The following NUP98 variants were observed in gnomAD, a reference collection of about 807,000 sequenced individuals.
The protein encoded by NUP98 is nuclear pore complex protein Nup98-Nup96.
In NUP98, 26 loss-of-function variants were observed where a neutral mutation model predicts 191.9. That is an observed-to-expected ratio of 0.14 (90% CI 0.10 to 0.19). NUP98 has a LOEUF of 0.19. Ranked by LOEUF, NUP98 falls within the 10% of genes least tolerant of loss-of-function variation. The pLI is 1.00. For synonymous variants in NUP98, 808 were observed against 778.4 expected, an observed-to-expected ratio of 1.04 and a Z score of -0.63; for missense variants, 1,941 against 2,178.8, an observed-to-expected ratio of 0.89 and a Z score of 2.17.
intron 23 of NUP98, 43 bp from the exon 24 acceptor site, chr11:3,700,882 A>G: frequency 7.2e-7 from 1 of 1,383,148 alleles, no homozygotes; most frequent in Non-Finnish European, 1.0e-6. Flanking sequence ...TGAACCTAAG[A>G]CAGAAGCTAG....
intron 11 of NUP98, among the ~76,000 whole-genome samples, chr11:3,750,251 C>G (rs1444133879): frequency 1.3e-5 from 2 of 152,162 alleles, no homozygotes; most frequent in African/African-American, 4.8e-5. Flanking sequence ...TCCCGAGTAG[C>G]TTGGACTACA....
Position 3,676,367 on chromosome 11 carries a change from T to G in NUP98, c.5195A>C (p.Lys1732Thr), listed in dbSNP as rs79768363. 5.6e-6 allele frequency: 9 copies of G among 1,613,916 alleles called. No individual in the cohort carries two copies. Among genetic ancestry groups the G allele is most frequent in the Non-Finnish European group, 7.6e-6 (9 of 1,179,890 alleles). The stretch of plus-strand genomic sequence containing the variant: ...CACGCGCAGCAGGTTGGCTACACGT[T>G]TGGCCATGTCTAGAGAGAAAAACTA... Reference protein sequence around the residue: ...KDRLAQSDMAKRVANLLRVVL... With the variant: ...KDRLAQSDMATRVANLLRVVL... Residue 1732 changes from lysine (K) to threonine (T), a missense_variant, in exon 33 of 33, where the codon AAA (lysine) becomes ACA (threonine). By Grantham distance (78) the Lys-to-Thr change is moderately conservative (BLOSUM62 -1). Around this residue, in one of 6 missense-constraint regions of NUP98, gnomAD observed 1,030 missense variants for 1,115.8 expected, o/e 0.92. Transcript: ENST00000324932.
chr11:3,781,508 A>C (rs1440614091), intron 2 of NUP98: 12 of 150,398 alleles, frequency 8.0e-5, no homozygotes, highest in Non-Finnish European at 1.3e-4. Context: ...AAAAAAAAAA[A>C]AAAAAAAAAC....
At chr11:3,706,322 T>G in intron 21 of NUP98, 123 bp downstream of exon 21, 3 of 829,464 alleles carry the variant, frequency 3.6e-6, no homozygotes, top group Non-Finnish European at 5.8e-6. Flanking sequence ...TCTTGTATTT[T>G]TTTTCCCCAT....
intron 12 of NUP98, among the ~76,000 whole-genome samples, chr11:3,741,646 T>G (rs570512094): frequency 6.6e-6 from 1 of 151,740 alleles, no homozygotes; most frequent in South Asian, 2.1e-4. Context: ...CCAAAAAGAC[T>G]GAGAAGACAA....
At chr11:3,779,656 AAT>A (rs2081884211) in intron 2 of NUP98, among the ~76,000 whole-genome samples, 1 of 151,506 alleles carries the variant, frequency 6.6e-6, no homozygotes, top group Non-Finnish European at 1.5e-5. Context: ...AAAAAAAAAA[AAT>A]TCTGCATTTG....
chr11:3,792,484 A>C (rs2082389266), intron 1 of NUP98, among the ~76,000 whole-genome samples: 1 of 151,414 alleles, frequency 6.6e-6, no homozygotes, highest in Admixed American at 6.6e-5. Flanking sequence ...GGTGGTACAC[A>C]CCTGTAGTCC....
chr11:3,779,101 T>C (rs1381634537), intron 3 of NUP98, 52 bp from the exon 4 acceptor site: 2 of 1,612,532 alleles, frequency 1.2e-6, no homozygotes, highest in Non-Finnish European at 1.7e-6. Context: ...AGCCACTAAG[T>C]CAATTCCTAT....
At chr11:3,726,694 AAC>A (rs1296199969) in intron 14 of NUP98, among the ~76,000 whole-genome samples, 24 of 151,266 alleles carry the variant, frequency 1.6e-4, no homozygotes, top group Non-Finnish European at 4.4e-5. Context: ...TTTTCCCCCA[AAC>A]AGTCTTATAA....
At chr11:3,784,193 C>A (rs945185076) in intron 1 of NUP98, among the ~76,000 whole-genome samples, 3 of 152,064 alleles carry the variant, frequency 2.0e-5, no homozygotes, top group Admixed American at 6.6e-5. Flanking sequence ...TGAGGTCTTC[C>A]CCAAATTCTA....
intron 15 of NUP98, among the ~76,000 whole-genome samples, chr11:3,724,277 C>CA (rs573487646): frequency 1.6e-3 from 242 of 150,292 alleles, no homozygotes; most frequent in African/African-American, 5.1e-3. Flanking sequence ...ACTAAAAATA[C>CA]AAAAAAAATT....
chr11:3,719,405 C>G lies in NUP98; in HGVS notation c.2399+7G>C, dbSNP rs2079309207. ...TGATAATTTTCTGTATGTACATAAACTCTTACCTATTTAGCCCTTCACCCA... is the reference window on the plus strand; with the variant it reads ...TGATAATTTTCTGTATGTACATAAAGTCTTACCTATTTAGCCCTTCACCCA... On this transcript the variant is annotated splice_region_variant and intron_variant, in intron 18 of 32. Transcript: ENST00000324932. The G allele has an allele frequency of 1.3e-6, 2 of 1,580,846 alleles. No individual in the cohort carries two copies. The highest frequency in any genetic ancestry group is 1.7e-6 in the Non-Finnish European group (2 of 1,170,360).
intron 15 of NUP98, among the ~76,000 whole-genome samples, chr11:3,724,644 T>C (rs2079542940): frequency 6.6e-6 from 1 of 150,824 alleles, no homozygotes; most frequent in Non-Finnish European, 1.5e-5. Context: ...AATACAAAAA[T>C]TAATCAGGCA....
chr11:3,754,400 T>G (rs2080884197), intron 10 of NUP98, among the ~76,000 whole-genome samples: 1 of 152,116 alleles, frequency 6.6e-6, no homozygotes, highest in African/African-American at 2.4e-5. Context: ...CACTCTAGCA[T>G]GGATAGAGTG....
intron 1 of NUP98, among the ~76,000 whole-genome samples, chr11:3,790,958 C>T (rs1449829339): frequency 1.3e-5 from 2 of 150,894 alleles, no homozygotes; most frequent in South Asian, 4.2e-4. Context: ...TGAAGTGACG[C>T]AATCTCGGCT....
intron 28 of NUP98, among the ~76,000 whole-genome samples, chr11:3,689,591 A>G (rs1239777272): frequency 2.6e-5 from 4 of 152,174 alleles, no homozygotes; most frequent in African/African-American, 9.7e-5. Context: ...GGTTAGAAAT[A>G]ATAGCATGTG....
chr11:3,676,007 G>T lies in NUP98; in HGVS notation c.*152C>A. ...TACGTTCAGTATTAAGAAAAGCCCTGAACAAGTGGAGGATGCTGCTTCTGG... is the reference window on the plus strand; with the variant it reads ...TACGTTCAGTATTAAGAAAAGCCCTTAACAAGTGGAGGATGCTGCTTCTGG... On this transcript the variant is annotated 3_prime_UTR_variant, in exon 33 of 33. Transcript: ENST00000324932. 4.4e-6 allele frequency: 3 copies of T among 680,200 alleles called. No homozygotes were observed. The highest frequency in any genetic ancestry group is 7.5e-6 in the Non-Finnish European group (3 of 397,812). 42.1% of individuals were successfully genotyped at this position (680,200 alleles called of 1,614,324 possible).
chr11:3,712,752 A>G (rs367814741), intron 19 of NUP98, 24 bp from the exon 20 acceptor site: 6 of 1,604,338 alleles, frequency 3.7e-6, no homozygotes, highest in East Asian at 2.2e-5. Flanking sequence ...GAACCCCACA[A>G]AACAACTTAA....
At chr11:3,791,299 G>T (rs1323782927) in intron 1 of NUP98, among the ~76,000 whole-genome samples, 1 of 151,842 alleles carries the variant, frequency 6.6e-6, no homozygotes, top group African/African-American at 2.4e-5. Flanking sequence ...TTGGGAGGCC[G>T]AGGCAGGTGG....
Sources: allele counts gnomAD v4.1 joint callset (sites outside exome capture counted in the v4.1 genomes callset), GRCh38; gene constraint gnomAD v4.1.1; regional missense constraint gnomAD v4.1.1; transcripts MANE v1.5; gene names NCBI Gene and HGNC (gene_info 2026-07-23, HGNC 2026-07-21).